The following COBL variants were observed in gnomAD, a reference collection of about 807,000 sequenced individuals.
COBL encodes cordon-bleu WH2 repeat protein.
A neutral mutation model predicts 98.8 loss-of-function variants in COBL; 51 were observed. The ratio of observed to expected loss-of-function variants is 0.52; its 90% CI spans 0.41 to 0.65. COBL has a LOEUF of 0.65. Among genes scored for constraint, COBL ranks in the 30% least tolerant of loss-of-function variants. The pLI is 0.00. For synonymous variants in COBL, 634 were observed against 651.7 expected, an observed-to-expected ratio of 0.97 and a Z score of 0.41; for missense variants, 1,617 against 1,617.5, an observed-to-expected ratio of 1.00 and a Z score of 0.01.
intron 5 of COBL, among the ~76,000 whole-genome samples, chr7:51,181,268 T>G (rs964543136): frequency 2.0e-5 from 3 of 152,230 alleles, no homozygotes; most frequent in Non-Finnish European, 2.9e-5. Context: ...CCACAGAATG[T>G]GAGCTCCTTT....
At chr7:51,230,391 C>T (rs1374502657) in intron 1 of COBL, among the ~76,000 whole-genome samples, 1 of 152,160 alleles carries the variant, frequency 6.6e-6, no homozygotes, top group Non-Finnish European at 1.5e-5. Flanking sequence ...CTCCCAAGGC[C>T]AAAGACTGCC....
intron 1 of COBL, among the ~76,000 whole-genome samples, chr7:51,283,260 G>A (rs184079058): frequency 6.6e-6 from 1 of 151,856 alleles, no homozygotes; most frequent in Non-Finnish European, 1.5e-5. Context: ...GAAGAGAGAA[G>A]ACACTAATTA....
intron 6 of COBL, among the ~76,000 whole-genome samples, chr7:51,093,570 T>C (rs1795006887): frequency 6.6e-6 from 1 of 152,202 alleles, no homozygotes; most frequent in East Asian, 1.9e-4. Flanking sequence ...AACATTATTA[T>C]GAATGCCACA....
At chr7:51,144,927 C>T (rs911223780) in intron 5 of COBL, among the ~76,000 whole-genome samples, 3 of 152,248 alleles carry the variant, frequency 2.0e-5, no homozygotes, top group Non-Finnish European at 4.4e-5. Context: ...TTCTTATCCA[C>T]TCATCTGTTC....
intron 5 of COBL, among the ~76,000 whole-genome samples, chr7:51,179,214 T>C (rs560019331): frequency 1.6e-4 from 25 of 152,156 alleles, no homozygotes; most frequent in Admixed American, 8.5e-4. Flanking sequence ...ATAAGAGTGT[T>C]TAACTTTCTT....
At chr7:51,278,442 C>T (rs1030747732) in intron 1 of COBL, among the ~76,000 whole-genome samples, 17 of 147,736 alleles carry the variant, frequency 1.2e-4, no homozygotes, top group African/African-American at 3.5e-4. Flanking sequence ...TGCAATGGCG[C>T]GATCTCGGCT....
intron 2 of COBL, among the ~76,000 whole-genome samples, chr7:51,205,595 G>C (rs1331882942): frequency 6.7e-6 from 1 of 150,006 alleles, no homozygotes; most frequent in East Asian, 1.9e-4. Flanking sequence ...AAAGCTTCAT[G>C]ACATTGGTCT....
At chr7:51,158,305 C>A (rs1484545993) in intron 5 of COBL, among the ~76,000 whole-genome samples, 1 of 152,042 alleles carries the variant, frequency 6.6e-6, no homozygotes, top group Non-Finnish European at 1.5e-5. Flanking sequence ...GGAGAAGAGA[C>A]CCTCAAGGTG....
At chr7:51,293,557 A>G (rs1801111307) in intron 1 of COBL, among the ~76,000 whole-genome samples, 1 of 152,250 alleles carries the variant, frequency 6.6e-6, no homozygotes, top group South Asian at 2.1e-4. Context: ...GCAAAGAAGC[A>G]CAAGAAACCT....
chr7:51,122,982 C>CAA (rs57261676), intron 6 of COBL, among the ~76,000 whole-genome samples: 5 of 139,944 alleles, frequency 3.6e-5, no homozygotes, highest in African/African-American at 1.1e-4. Flanking sequence ...GACTCCATCT[C>CAA]AAAAAAAAAA....
chr7:51,100,886 C>A (rs1021763703), intron 6 of COBL, among the ~76,000 whole-genome samples: 3 of 150,652 alleles, frequency 2.0e-5, no homozygotes, highest in Non-Finnish European at 4.4e-5. Context: ...CTGGGTGACA[C>A]AGCAAGACTC....
intron 7 of COBL, among the ~76,000 whole-genome samples, chr7:51,045,065 C>A (rs79705493): frequency 2.7e-4 from 41 of 152,220 alleles, no homozygotes; most frequent in Non-Finnish European, 5.3e-4. Context: ...GTTCTCTCCC[C>A]AGCTTTTGGG....
intron 1 of COBL, among the ~76,000 whole-genome samples, chr7:51,271,633 G>C (rs1252405996): frequency 1.3e-5 from 2 of 152,212 alleles, no homozygotes; most frequent in Non-Finnish European, 2.9e-5. Flanking sequence ...AGGTGATGGA[G>C]AGGAAACTGA....
Position 51,017,425 on chromosome 7 carries a change from T to C in COBL, c.*126A>G, listed in dbSNP as rs1786380380. The C allele has an allele frequency of 1.3e-6, 1 of 781,848 alleles. No homozygotes were observed. Among genetic ancestry groups the C allele is most frequent in the Non-Finnish European group, 2.0e-6 (1 of 489,604 alleles). 48.4% of individuals were successfully genotyped at this position (781,848 alleles called of 1,614,324 possible). On this transcript the variant is annotated 3_prime_UTR_variant, in exon 13 of 13. Coordinates refer to ENST00000265136, the MANE Select transcript of COBL (RefSeq NM_015198.5). Reference sequence around the variant, plus strand: ...ACAGGAACACACCGAAAATCAACTGTGCGCATTTGGCCTGTAGACAAGAAA... The same window carrying C: ...ACAGGAACACACCGAAAATCAACTGCGCGCATTTGGCCTGTAGACAAGAAA...
intron 7 of COBL, among the ~76,000 whole-genome samples, chr7:51,054,506 TC>T (rs1790538100): frequency 6.6e-6 from 1 of 152,194 alleles, no homozygotes; most frequent in Non-Finnish European, 1.5e-5. Context: ...TAACTTTTTT[TC>T]CTTTCTGACT....
chr7:51,245,693 G>A (rs371718364), intron 1 of COBL, among the ~76,000 whole-genome samples: 2 of 152,228 alleles, frequency 1.3e-5, no homozygotes, highest in African/African-American at 2.4e-5. Context: ...ATAGTACAGT[G>A]TATGGTCTCA....
At chr7:51,052,430 C>T (rs1213140927) in intron 7 of COBL, among the ~76,000 whole-genome samples, 2 of 152,172 alleles carry the variant, frequency 1.3e-5, no homozygotes, top group Non-Finnish European at 2.9e-5. Context: ...ATCCATTTAT[C>T]TGGGAATCTC....
intron 5 of COBL, 79 bp from the exon 6 acceptor site, chr7:51,136,410 AG>A: frequency 7.0e-7 from 1 of 1,431,656 alleles, no homozygotes; most frequent in Non-Finnish European, 9.4e-7. Flanking sequence ...ATGAAGACAA[AG>A]TTCCAATCCG....
In COBL at chr7:51,087,162, G is replaced by A. The variant is rs958795764; in HGVS notation, c.958-1858C>T. 7.7e-3 allele frequency among the ~76,000 whole-genome samples: 1,118 copies of A among 144,674 alleles called. 13 individuals carry two copies. Among genetic ancestry groups the A allele is most frequent in the African/African-American group, 0.027 (1,050 of 39,324 alleles). 94.9% of individuals were successfully genotyped at this position (144,674 alleles called of 152,430 possible). A position where few individuals can be genotyped will look rare whatever the true frequency, so the allele number is the denominator to read the frequency against. On this transcript the variant is annotated intron_variant, in intron 6 of 12. Coordinates refer to ENST00000265136, the MANE Select transcript of COBL (RefSeq NM_015198.5). ...CAGAGACATACACACACACACACACGCACAGACTCATACTTTTCCTCTCCA... is the reference window on the plus strand; with the variant it reads ...CAGAGACATACACACACACACACACACACAGACTCATACTTTTCCTCTCCA...
Sources: allele counts gnomAD v4.1 joint callset (sites outside exome capture counted in the v4.1 genomes callset), GRCh38; gene constraint gnomAD v4.1.1; transcripts MANE v1.5; gene names NCBI Gene and HGNC (gene_info 2026-07-23, HGNC 2026-07-21).